Variants in HS3ST3A1 observed in about 807,000 individuals in gnomAD.
The protein encoded by HS3ST3A1 is heparan sulfate-glucosamine 3-sulfotransferase 3A1.
In HS3ST3A1, 19 loss-of-function variants were observed where a neutral mutation model predicts 25.7. The ratio of observed to expected loss-of-function variants is 0.74; its 90% CI spans 0.52 to 1.08. The LOEUF (loss-of-function observed/expected upper bound fraction) is 1.08. Among genes scored for constraint, HS3ST3A1 ranks in the 50% least tolerant of loss-of-function variants. The probability of loss-of-function intolerance (pLI) is 0.00; values close to 1 mark genes in which losing one functional copy is unlikely to be tolerated. For missense variants in HS3ST3A1, 459 were observed against 594.3 expected (o/e 0.77, Z 2.37); for synonymous variants, 226 against 278.6 (o/e 0.81, Z 1.88).
chr17:13,526,588 C>T (rs937526990), intron 1 of HS3ST3A1, among the ~76,000 whole-genome samples: 1 of 146,762 alleles, frequency 6.8e-6, no homozygotes, highest in Non-Finnish European at 1.5e-5. Flanking sequence ...CCTGAGGATA[C>T]TAGGCAGATC....
chr17:13,547,091 A>G (rs114790085), intron 1 of HS3ST3A1, among the ~76,000 whole-genome samples: 3,065 of 152,272 alleles, frequency 0.02, 92 homozygotes, highest in African/African-American at 0.068. Context: ...TTCTATGACC[A>G]CATGTCTTAC....
At chr17:13,513,869 T>C (rs1038834109) in intron 1 of HS3ST3A1, among the ~76,000 whole-genome samples, 2 of 152,188 alleles carry the variant, frequency 1.3e-5, no homozygotes, top group Admixed American at 6.5e-5. Context: ...AAAACTTCTA[T>C]GAAGGTATTT....
chr17:13,585,295 G>A (rs1362918034), intron 1 of HS3ST3A1, among the ~76,000 whole-genome samples: 2 of 139,622 alleles, frequency 1.4e-5, no homozygotes, highest in Non-Finnish European at 3.0e-5. Context: ...TGCCTCCCGG[G>A]TTCAAGCGAT....
chr17:13,564,417 G>C (rs1028122880), intron 1 of HS3ST3A1, among the ~76,000 whole-genome samples: 5 of 152,060 alleles, frequency 3.3e-5, no homozygotes, highest in African/African-American at 1.2e-4. Context: ...ATTGGTTCCA[G>C]TACCCCCTAA....
chr17:13,523,517 T>C (rs1188102109), intron 1 of HS3ST3A1, among the ~76,000 whole-genome samples: 1 of 152,194 alleles, frequency 6.6e-6, no homozygotes, highest in Non-Finnish European at 1.5e-5. Context: ...GTTGCAAAGA[T>C]GTTGAGAAAT....
At chr17:13,596,418 TACAC>T (rs10535139) in intron 1 of HS3ST3A1, among the ~76,000 whole-genome samples, 71,959 of 146,254 alleles carry the variant, frequency 0.49, 19,556 homozygotes, top group Non-Finnish European at 0.6. Context: ...TGCGCGTGCG[TACAC>T]ACACACACAC....
At chr17:13,526,967 T>C (rs1274387288) in intron 1 of HS3ST3A1, among the ~76,000 whole-genome samples, 2 of 152,152 alleles carry the variant, frequency 1.3e-5, no homozygotes, top group African/African-American at 4.8e-5. Context: ...GTGGTGGTTT[T>C]CTATGGGGGC....
intron 1 of HS3ST3A1, among the ~76,000 whole-genome samples, chr17:13,505,012 C>A (rs1297542504): frequency 1.3e-5 from 2 of 152,178 alleles, no homozygotes; most frequent in Non-Finnish European, 1.5e-5. Context: ...AATCTTTACT[C>A]AGCCAAAAAA....
intron 1 of HS3ST3A1, among the ~76,000 whole-genome samples, chr17:13,578,200 C>T (rs972370174): frequency 1.3e-5 from 2 of 151,862 alleles, no homozygotes; most frequent in African/African-American, 2.4e-5. Flanking sequence ...ATGGGACATC[C>T]AGACAACAGA....
At chr17:13,575,864 T>G (rs1218840340) in intron 1 of HS3ST3A1, among the ~76,000 whole-genome samples, 1 of 152,174 alleles carries the variant, frequency 6.6e-6, no homozygotes, top group African/African-American at 2.4e-5. Context: ...ATGGAAAAGA[T>G]TTACCCTGCT....
At chr17:13,517,989 A>C (rs1287714363) in intron 1 of HS3ST3A1, among the ~76,000 whole-genome samples, 6 of 152,222 alleles carry the variant, frequency 3.9e-5, no homozygotes, top group Non-Finnish European at 7.3e-5. Flanking sequence ...TATCAGAGTC[A>C]ACTGGGAGAG....
chr17:13,582,837 T>C (rs560294277), intron 1 of HS3ST3A1, among the ~76,000 whole-genome samples: 77 of 152,334 alleles, frequency 5.1e-4, no homozygotes, highest in African/African-American at 1.8e-3. Context: ...TAATACAGAG[T>C]AACCTCTGGC....
chr17:13,544,071 T>A (rs1907013696), intron 1 of HS3ST3A1, among the ~76,000 whole-genome samples: 1 of 152,218 alleles, frequency 6.6e-6, no homozygotes, highest in African/African-American at 2.4e-5. Flanking sequence ...AACATTATCA[T>A]CATCATCATG....
intron 1 of HS3ST3A1, among the ~76,000 whole-genome samples, chr17:13,578,393 CA>C (rs397960321): frequency 0.074 from 6,985 of 94,912 alleles, 309 homozygotes; most frequent in African/African-American, 0.15. Flanking sequence ...TACAAAAATA[CA>C]AAAAAAAAAA....
At chr17:13,522,669 G>T (rs1839232560) in intron 1 of HS3ST3A1, among the ~76,000 whole-genome samples, 1 of 152,024 alleles carries the variant, frequency 6.6e-6, no homozygotes, top group African/African-American at 2.4e-5. Flanking sequence ...CAGGTCAGAT[G>T]GTTAATATCA....
intron 1 of HS3ST3A1, among the ~76,000 whole-genome samples, chr17:13,562,908 T>A (rs930378121): frequency 6.6e-6 from 1 of 152,078 alleles, no homozygotes; most frequent in Non-Finnish European, 1.5e-5. Context: ...TGGAAGGCCC[T>A]AGCTTCTTTT....
chr17:13,564,719 CT>C (rs397812904), intron 1 of HS3ST3A1, among the ~76,000 whole-genome samples: 1,518 of 124,266 alleles, frequency 0.012, 21 homozygotes, highest in African/African-American at 0.04. Context: ...GACTTCTTTC[CT>C]TTTTTTTTTT....
chr17:13,518,768 C>T (rs1001017789), intron 1 of HS3ST3A1, among the ~76,000 whole-genome samples: 2 of 152,168 alleles, frequency 1.3e-5, no homozygotes, highest in African/African-American at 4.8e-5. Context: ...AAAGCCCTCC[C>T]TAGGTCAGCC....
At chr17:13,594,995 C>T (rs1431068056) in intron 1 of HS3ST3A1, among the ~76,000 whole-genome samples, 4 of 152,182 alleles carry the variant, frequency 2.6e-5, no homozygotes, top group South Asian at 2.1e-4. Context: ...CTGTTCGAGT[C>T]GGTGAATAGT....
Sources: gnomAD v4.1 joint callset for allele counts (sites outside exome capture counted in the v4.1 genomes callset) on GRCh38, gnomAD v4.1.1 for gene constraint, MANE v1.5 for transcripts, NCBI Gene and HGNC (gene_info 2026-07-23, HGNC 2026-07-21) for gene names.